Variants in TRMT10A observed in about 807,000 individuals in gnomAD.
TRMT10A encodes the protein tRNA methyltransferase 10A, also known as tRNA methyltransferase 10 homolog A.
TRMT10A carries 37 observed loss-of-function variants against 40.4 expected under a neutral mutation model. The ratio of observed to expected loss-of-function variants is 0.92; its 90% CI spans 0.71 to 1.21. The LOEUF (loss-of-function observed/expected upper bound fraction) is 1.21, where lower values mean the gene tolerates loss of function less well. Ranked by LOEUF, TRMT10A falls within the 50% of genes most tolerant of loss-of-function variation. The pLI, the probability that TRMT10A is intolerant of heterozygous loss-of-function variation, is 0.00. For synonymous variants in TRMT10A, 103 were observed against 134.1 expected (o/e 0.77, Z 1.60); for missense variants, 388 against 404.3 (o/e 0.96, Z 0.35).
At chr4:99,556,251 A>G in intron 4 of TRMT10A, 31 bp from the exon 5 acceptor site, 3 of 1,572,702 alleles carry the variant, frequency 1.9e-6, no homozygotes, top group Non-Finnish European at 2.6e-6. Context: ...ATAGAAAAAG[A>G]GAACAAATGA....
At chr4:99,553,722 C>G in intron 6 of TRMT10A, 63 bp downstream of exon 6, 1 of 1,488,780 alleles carries the variant, frequency 6.7e-7, no homozygotes, top group South Asian at 1.3e-5. Flanking sequence ...TTGTTACTTT[C>G]AGGAAATGGT....
Position 99,550,950 on chromosome 4 carries a change from T to C in TRMT10A, c.686A>G (p.His229Arg). ...YKQASDYGIN[H>R]AQLPLGNFVK... is the part of the protein sequence containing the mutation. ...AAAATTTCCAAGTGGGAGCTGTGCA[T>C]GATTGATTCCATAATCTGACGCTTG... The change falls in exon 7 of 8, where the codon CAT becomes CGT. Residue 229 changes from histidine to arginine, a missense_variant. Physicochemically the swap from His to Arg is conservative, Grantham distance 29 (BLOSUM62 0). Transcript: ENST00000394876. The C allele has an allele frequency of 6.2e-6, 10 of 1,612,964 alleles. No individual in the cohort carries two copies. The highest frequency in any genetic ancestry group is 1.1e-5 in the South Asian group (1 of 90,918).
At chr4:99,558,417 A>C (rs960501135) in intron 2 of TRMT10A, among the ~76,000 whole-genome samples, 3 of 152,106 alleles carry the variant, frequency 2.0e-5, no homozygotes, top group Non-Finnish European at 2.9e-5. Flanking sequence ...GCTTCCAAAA[A>C]TGATCTAAAG....
rs1724058844 is a variant in TRMT10A at position 99,553,925 on chromosome 4, T to C, written c.505A>G (p.Ile169Val). The change falls in exon 6 of 8, where the codon ATC (isoleucine) becomes GTC (valine). Residue 169 changes from isoleucine to valine, a missense_variant. Transcript: ENST00000394876. ...AGTTCACTATAGTGCTCTGGTTTGA[T>C]ATGGATATCCTTTAAGACAACAGGG... The part of the protein sequence containing the change: ...KGWVNWKDIH[I>V]KPEHYSELIK... 1 of 1,612,688 alleles carries C rather than the reference T, an allele frequency of 6.2e-7. No individual in the cohort carries two copies. Among genetic ancestry groups the C allele is most frequent in the African/African-American group, 1.3e-5 (1 of 74,848 alleles).
rs773655792 is a variant in TRMT10A at position 99,550,892 on chromosome 4, A to G, written c.744T>C (p.Val248=). 2 of 1,611,902 alleles carry G rather than the reference A, an allele frequency of 1.2e-6. No homozygotes were observed. The highest frequency in any genetic ancestry group is 2.7e-5 in the African/African-American group (2 of 74,830). ...VKMNSRKVLA[V]NHVFEIILEY... ...TTATCCCTTACAGCTTACCATGATT[A>G]ACTGCCAAAACTTTTCGACTATTCA... Residue 248 remains valine (V), a synonymous_variant, in exon 7 of 8, where the codon GTT becomes GTC. Transcript: ENST00000394876.
At chr4:99,550,013 C>G (rs1214717328) in intron 7 of TRMT10A, among the ~76,000 whole-genome samples, 1 of 152,096 alleles carries the variant, frequency 6.6e-6, no homozygotes, top group Non-Finnish European at 1.5e-5. Flanking sequence ...TGTGTATTGA[C>G]TAAAAACTCG....
intron 3 of TRMT10A, chr4:99,557,634 G>C: frequency 4.4e-6 from 2 of 452,686 alleles, no homozygotes; most frequent in South Asian, 7.1e-5. Flanking sequence ...TTCATATTTT[G>C]TATTTATTTA....
chr4:99,547,317 T>A lies in TRMT10A; in HGVS notation c.*1771A>T, dbSNP rs1271974331. ...AAGGAGGAAGCATGGCACTGGGACA[T>A]TGTGAGTCTGGACATTTAGTCTCTG... is the stretch of plus-strand genomic sequence containing the variant. On this transcript the variant is annotated 3_prime_UTR_variant, in exon 8 of 8. Transcript: ENST00000394876. 1 of 152,094 alleles carries A rather than the reference T, an allele frequency of 6.6e-6. No individual in the cohort carries two copies. Among genetic ancestry groups the A allele is most frequent in the Non-Finnish European group, 1.5e-5 (1 of 68,016 alleles). The allele number at this position is 152,094 out of a possible 1,614,324, so 9.4% of individuals were successfully genotyped here. A position where few individuals can be genotyped will look rare whatever the true frequency, so the allele number is the denominator to read the frequency against.
At chr4:99,550,403 T>C (rs1336611635) in intron 7 of TRMT10A, among the ~76,000 whole-genome samples, 1 of 152,198 alleles carries the variant, frequency 6.6e-6, no homozygotes, top group African/African-American at 2.4e-5. Context: ...TAGCCCAGGC[T>C]GTGTTCGAAC....
Position 99,550,960 on chromosome 4 carries a change from C to T in TRMT10A, c.676G>A (p.Gly226Arg). 6.2e-7 allele frequency: 1 copy of T among 1,612,106 alleles called. No individual in the cohort carries two copies. ...AGTGGGAGCTGTGCATGATTGATTC[C>T]ATAATCTGACGCTTGTTTATATGTG... ...GLTYKQASDYGINHAQLPLGN... is the reference protein window; with the variant it reads ...GLTYKQASDYRINHAQLPLGN... Residue 226 changes from glycine (G) to arginine (R), a missense_variant, in exon 7 of 8, where the codon GGA becomes AGA. Transcript: ENST00000394876.
rs557135775 is a variant in TRMT10A at position 99,547,788 on chromosome 4, A to G, written c.*1300T>C. On this transcript the variant is annotated 3_prime_UTR_variant, in exon 8 of 8. Transcript: ENST00000394876. ...ATATATATGTTAGTATGTAACATAT[A>G]TAGTATGTTATATACTTTTTAAATA... 1.3e-5 allele frequency: 2 copies of G among 152,142 alleles called. No individual in the cohort carries two copies. Among genetic ancestry groups the G allele is most frequent in the African/African-American group, 2.4e-5 (1 of 41,560 alleles). The allele number at this position is 152,142 out of a possible 1,614,324, so 9.4% of individuals were successfully genotyped here.
intron 1 of TRMT10A, among the ~76,000 whole-genome samples, chr4:99,560,468 A>G (rs1317793720): frequency 6.6e-6 from 1 of 152,194 alleles, no homozygotes; most frequent in Non-Finnish European, 1.5e-5. Context: ...AGACACAAAT[A>G]GAACAGAAAA....
chr4:99,560,944 T>C (rs553058543), intron 1 of TRMT10A, among the ~76,000 whole-genome samples: 172 of 141,206 alleles, frequency 1.2e-3, no homozygotes, highest in African/African-American at 4.4e-3. Context: ...ATTAGCTCTA[T>C]GTGAAGATTT....
At chr4:99,557,096 A>G (rs1049579391) in intron 4 of TRMT10A, among the ~76,000 whole-genome samples, 8 of 152,210 alleles carry the variant, frequency 5.3e-5, no homozygotes, top group Admixed American at 4.6e-4. Flanking sequence ...CAATGAAGAT[A>G]TCAACTACAG....
intron 1 of TRMT10A, among the ~76,000 whole-genome samples, chr4:99,561,143 T>G (rs1171606304): frequency 2.6e-5 from 4 of 152,020 alleles, no homozygotes; most frequent in African/African-American, 7.3e-5. Context: ...ATTTTTGTAT[T>G]TTTAGTAGAG....
Position 99,549,072 on chromosome 4 carries a change from A to C in TRMT10A, c.*16T>G. ...TCTCCTAATTTTTCCTTAAACTAAA[A>C]GGAAACCAGGTAACATTAGTGTGGC... On this transcript the variant is annotated 3_prime_UTR_variant, in exon 8 of 8. Coordinates refer to ENST00000394876, the MANE Select transcript of TRMT10A (RefSeq NM_001134665.3). 1 of 1,609,078 alleles carries C rather than the reference A, an allele frequency of 6.2e-7. No homozygotes were observed. Among genetic ancestry groups the C allele is most frequent in the Middle Eastern group, 1.7e-4 (1 of 6,038 alleles).
Position 99,550,966 on chromosome 4 carries a change from C to T in TRMT10A, c.670G>A (p.Asp224Asn). The change falls in exon 7 of 8, where the codon GAT (aspartate) becomes AAT (asparagine). Residue 224 changes from aspartate to asparagine, a missense_variant. Transcript: ENST00000394876. ...AGCTGTGCATGATTGATTCCATAAT[C>T]TGACGCTTGTTTATATGTGAGTCCC... The part of the protein sequence containing the change: ...HKGLTYKQAS[D>N]YGINHAQLPL... 6.2e-7 allele frequency: 1 copy of T among 1,612,150 alleles called. No individual in the cohort carries two copies. Among genetic ancestry groups the T allele is most frequent in the Non-Finnish European group, 8.5e-7 (1 of 1,179,074 alleles).
chr4:99,559,388 A>G, intron 1 of TRMT10A, 27 bp from the exon 2 acceptor site: 24 of 1,459,326 alleles, frequency 1.6e-5, no homozygotes, highest in Non-Finnish European at 2.2e-5. Context: ...ATAATTTACA[A>G]GCACAAAAAA....
chr4:99,548,926 T>A lies in TRMT10A; in HGVS notation c.*162A>T. ...AATCAAAAAATATTTCCTTACAAAG[T>A]TTAAAGGGCTTTTTTTTTTATTATT... is the stretch of plus-strand genomic sequence containing the variant. On this transcript the variant is annotated 3_prime_UTR_variant, in exon 8 of 8. Coordinates refer to ENST00000394876, the MANE Select transcript of TRMT10A (RefSeq NM_001134665.3). 1 of 666,592 alleles carries A rather than the reference T, an allele frequency of 1.5e-6. No homozygotes were observed. The highest frequency in any genetic ancestry group is 2.3e-6 in the Non-Finnish European group (1 of 443,128). The allele number at this position is 666,592 out of a possible 1,614,324, so 41.3% of individuals were successfully genotyped here.
Sources: allele counts gnomAD v4.1 joint callset (sites outside exome capture counted in the v4.1 genomes callset), GRCh38; gene constraint gnomAD v4.1.1; transcripts MANE v1.5; gene names NCBI Gene and HGNC (gene_info 2026-07-23, HGNC 2026-07-21).